FGF12: variants seen among roughly 807,000 people sequenced by gnomAD.
The protein encoded by FGF12 is fibroblast growth factor 12B.
A neutral mutation model predicts 23.6 loss-of-function variants in FGF12; 14 were observed. That is an observed-to-expected ratio of 0.59 (90% CI 0.39 to 0.93). The LOEUF is 0.93. FGF12 is among the 40% of genes least tolerant of loss of function. The probability of loss-of-function intolerance (pLI) is 0.00; values close to 1 mark genes in which losing one functional copy is unlikely to be tolerated. For synonymous variants in FGF12, 62 were observed against 77.3 expected (o/e 0.80, Z 1.04); for missense variants, 175 against 217.8 (o/e 0.80, Z 1.24).
Position 192,619,186 on chromosome 3 carries a change from A to T in FGF12, c.13+107995T>A, listed in dbSNP as rs535427652. Reference sequence around the variant, plus strand: ...TAATTGGCTGCCTGTAACCTCTATCAGGCAAATGAGATGAGATGAAAGAGA... The same window carrying T: ...TAATTGGCTGCCTGTAACCTCTATCTGGCAAATGAGATGAGATGAAAGAGA... On this transcript the variant is annotated intron_variant, in intron 2 of 5. Transcript: ENST00000445105. Among the ~76,000 whole-genome samples, 6 of 152,146 alleles carry T rather than the reference A, an allele frequency of 3.9e-5. No individual in the cohort carries two copies. The South Asian group carries it at 1.2e-3, about 32-fold the overall frequency.
intron 4 of FGF12, among the ~76,000 whole-genome samples, chr3:192,172,017 A>G (rs1715594983): frequency 6.6e-6 from 1 of 152,102 alleles, no homozygotes; most frequent in Non-Finnish European, 1.5e-5. Flanking sequence ...AGTAGCTGGA[A>G]CTACAGGTGT....
intron 4 of FGF12, among the ~76,000 whole-genome samples, chr3:192,274,822 C>T (rs1166962129): frequency 6.6e-6 from 1 of 152,100 alleles, no homozygotes; most frequent in Non-Finnish European, 1.5e-5. Flanking sequence ...AACTGGTTTC[C>T]TTCATATCAA....
intron 2 of FGF12, among the ~76,000 whole-genome samples, chr3:192,422,008 T>C (rs1483435934): frequency 6.8e-6 from 1 of 147,946 alleles, no homozygotes; most frequent in Non-Finnish European, 1.5e-5. Context: ...CCTGTCATAG[T>C]TGGACTTCAA....
intron 2 of FGF12, among the ~76,000 whole-genome samples, chr3:192,682,297 G>GT (rs1203397364): frequency 2.6e-5 from 4 of 152,124 alleles, no homozygotes; most frequent in Non-Finnish European, 4.4e-5. Flanking sequence ...AGTCATGCAT[G>GT]TTTTTTCCAA....
intron 4 of FGF12, among the ~76,000 whole-genome samples, chr3:192,213,524 TA>T (rs1718041168): frequency 6.6e-6 from 1 of 152,206 alleles, no homozygotes; most frequent in Non-Finnish European, 1.5e-5. Context: ...ATTTTTCCAC[TA>T]TAGTGATGAT....
chr3:192,682,402 C>T (rs759704642), intron 2 of FGF12, among the ~76,000 whole-genome samples: 19 of 152,164 alleles, frequency 1.2e-4, no homozygotes, highest in Non-Finnish European at 2.4e-4. Context: ...CTAACCCTGA[C>T]TCCAGCTCCA....
intron 4 of FGF12, among the ~76,000 whole-genome samples, chr3:192,227,664 A>G (rs572014088): frequency 1.0e-3 from 159 of 152,152 alleles, no homozygotes; most frequent in African/African-American, 3.6e-3. Flanking sequence ...TAAGTATATG[A>G]AATTGAAGGA....
intron 2 of FGF12, among the ~76,000 whole-genome samples, chr3:192,493,843 C>G (rs1342898489): frequency 6.6e-6 from 1 of 152,152 alleles, no homozygotes; most frequent in Non-Finnish European, 1.5e-5. Flanking sequence ...CACCTCCCAC[C>G]AGGCCCCACC....
rs1238614953 is a variant in FGF12 at position 192,144,078 on chromosome 3, C to G, written c.477G>C (p.Gly159=). The change falls in exon 6 of 6, where the codon GGG becomes GGC. Residue 159 remains glycine (G), a synonymous_variant. Coordinates refer to ENST00000445105, the MANE Select transcript of FGF12 (RefSeq NM_004113.6). ...GTGTTCCAGAACTTTTCCTTGAACGCCCTTGTTTTTCTCCAATTTCATGTA... is the reference window on the plus strand; with the variant it reads ...GTGTTCCAGAACTTTTCCTTGAACGGCCTTGTTTTTCTCCAATTTCATGTA... The part of the protein sequence containing the change: ...PSLHEIGEKQ[G]RSRKSSGTPT... 6.2e-7 allele frequency: 1 copy of G among 1,613,710 alleles called. No individual in the cohort carries two copies. Among genetic ancestry groups the G allele is most frequent in the Non-Finnish European group, 8.5e-7 (1 of 1,179,736 alleles).
At chr3:192,520,828 G>C (rs1313051520) in intron 2 of FGF12, among the ~76,000 whole-genome samples, 1 of 151,764 alleles carries the variant, frequency 6.6e-6, no homozygotes, top group Non-Finnish European at 1.5e-5. Context: ...AGTTTATCTT[G>C]CCTGTGTTTC....
At chr3:192,346,695 C>A (rs1317632062) in intron 3 of FGF12, among the ~76,000 whole-genome samples, 1 of 152,066 alleles carries the variant, frequency 6.6e-6, no homozygotes, top group Admixed American at 6.6e-5. Flanking sequence ...TGTGAAAACT[C>A]AATCATTTTG....
intron 4 of FGF12, among the ~76,000 whole-genome samples, chr3:192,210,028 CTAGATT>C (rs1717848155): frequency 6.6e-6 from 1 of 152,174 alleles, no homozygotes; most frequent in Non-Finnish European, 1.5e-5. Context: ...GTAACAGTGA[CTAGATT>C]TAACTTCCCA....
intron 2 of FGF12, among the ~76,000 whole-genome samples, chr3:192,696,074 G>C (rs1481801421): frequency 6.6e-6 from 1 of 152,128 alleles, no homozygotes; most frequent in Non-Finnish European, 1.5e-5. Context: ...ACTCCAACCT[G>C]GGTGACGGAG....
chr3:192,564,355 C>T (rs567907856), intron 2 of FGF12, among the ~76,000 whole-genome samples: 1 of 152,120 alleles, frequency 6.6e-6, no homozygotes, highest in Non-Finnish European at 1.5e-5. Context: ...TGAGCCACTG[C>T]GCCCTGCCGA....
chr3:192,150,136 T>C (rs1713966588), intron 5 of FGF12, among the ~76,000 whole-genome samples: 1 of 61,468 alleles, frequency 1.6e-5, no homozygotes. Flanking sequence ...TCTGTTCATG[T>C]CCTTCGCCCA....
At chr3:192,705,546 T>C (rs759748256) in intron 2 of FGF12, among the ~76,000 whole-genome samples, 2 of 152,262 alleles carry the variant, frequency 1.3e-5, no homozygotes, top group Non-Finnish European at 2.9e-5. Context: ...ACAACATTTA[T>C]GGATTAAGTT....
intron 5 of FGF12, among the ~76,000 whole-genome samples, chr3:192,158,592 GTCTT>G (rs552990613): frequency 0.022 from 1,936 of 86,356 alleles, 22 homozygotes; most frequent in Non-Finnish European, 0.031. Context: ...CTTTCTTCTC[GTCTT>G]TCTCTTTTTT....
chr3:192,330,541 T>C lies in FGF12; in HGVS notation c.228+4820A>G, dbSNP rs149563037. Among the ~76,000 whole-genome samples the C allele has an allele frequency of 2.8e-3, 425 of 152,204 alleles. 1 individual carries two copies. The highest frequency in any genetic ancestry group is 5.0e-3 in the Non-Finnish European group (340 of 67,996). ...ATGCAAAAGAATGAAACTGGACCCT[T>C]ACCTTACACCACATGTAACATTAAT... On this transcript the variant is annotated intron_variant, in intron 4 of 5. Coordinates refer to ENST00000445105, the MANE Select transcript of FGF12 (RefSeq NM_004113.6).
chr3:192,514,219 AG>A lies in FGF12; in HGVS notation c.14-153682del, dbSNP rs1724585223. Among the ~76,000 whole-genome samples the A allele has an allele frequency of 1.3e-5, 2 of 152,368 alleles. No homozygotes were observed. The highest frequency in any genetic ancestry group is 4.1e-4 in the South Asian group (2 of 4,828). ...CGCCAGATGTCTACTTTTCAGACAA[AG>A]CAAGAAAAAGAAAATATACCTGCCT... On this transcript the variant is annotated intron_variant, in intron 2 of 5. Coordinates refer to ENST00000445105, the MANE Select transcript of FGF12 (RefSeq NM_004113.6). The surrounding 1 kb of genome is among the most constrained non-coding windows in gnomAD (Gnocchi z 4.9).
Sources: allele counts gnomAD v4.1 joint callset (sites outside exome capture counted in the v4.1 genomes callset), GRCh38; gene constraint gnomAD v4.1.1; non-coding constraint Gnocchi (gnomAD v3.1); transcripts MANE v1.5; gene names NCBI Gene and HGNC (gene_info 2026-07-23, HGNC 2026-07-21).